The following HECTD4 variants were observed in gnomAD, a reference collection of about 807,000 sequenced individuals.
HECTD4 encodes the protein HECT domain E3 ubiquitin protein ligase 4, also known as probable E3 ubiquitin-protein ligase HECTD4.
A neutral mutation model predicts 471.5 loss-of-function variants in HECTD4; 114 were observed. The observed-to-expected ratio is 0.24, with a 90% CI of 0.21 to 0.28. HECTD4 has a LOEUF of 0.28. HECTD4 is among the 10% of genes least tolerant of loss of function. HECTD4 has a pLI of 1.00. For synonymous variants in HECTD4, 2,012 were observed against 2,256.0 expected (o/e 0.89, Z 3.07); for missense variants, 3,866 against 5,651.5 (o/e 0.68, Z 10.13).
At chr12:112,267,894 C>T (rs1432271603) in intron 13 of HECTD4, among the ~76,000 whole-genome samples, 1 of 152,192 alleles carries the variant, frequency 6.6e-6, no homozygotes, top group Non-Finnish European at 1.5e-5. Flanking sequence ...GATCTCAGCT[C>T]ATTGCAGCCT....
intron 1 of HECTD4, among the ~76,000 whole-genome samples, chr12:112,362,649 G>A (rs187030440): frequency 2.2e-3 from 341 of 152,262 alleles, no homozygotes; most frequent in Non-Finnish European, 3.8e-3. Flanking sequence ...GGCAGGTGGG[G>A]AGCGTTATGT....
chr12:112,193,221 A>C lies in HECTD4; in HGVS notation c.8956-30T>G, dbSNP rs1023018546. The C allele has an allele frequency of 6.2e-7, 1 of 1,610,930 alleles. No homozygotes were observed. The highest frequency in any genetic ancestry group is 1.1e-5 in the South Asian group (1 of 90,440). On this transcript the variant is annotated intron_variant, in intron 57 of 75. Coordinates refer to ENST00000682272, the MANE Select transcript of HECTD4 (RefSeq NM_001388303.1). This position sits in a 1 kb window ranked among gnomAD's most constrained non-coding sequence, Gnocchi z 5.2. ...AAAGAGACACTGAATAAGGAAAGCC[A>C]CGGGCTAAACACAGGGACAGCATTT...
At position 112,185,372 on chromosome 12, in the gene HECTD4, G is replaced by C. The variant is rs375784701; in HGVS notation, c.9594C>G (p.Ser3198=). ...LEQRRHPAGL[S]SSIALQLNPC... Reference sequence around the variant, plus strand: ...GGTTCAGCTGGAGGGCGATTGAGGAGGACAGGCCAGCGGGGTGCCGCCTCT... The same window carrying C: ...GGTTCAGCTGGAGGGCGATTGAGGACGACAGGCCAGCGGGGTGCCGCCTCT... The change falls in exon 61 of 76, where the codon TCC becomes TCG. Residue 3198 remains serine, a synonymous_variant. Transcript: ENST00000682272. 6.8e-6 allele frequency: 11 copies of C among 1,610,224 alleles called. No individual in the cohort carries two copies. The highest frequency in any genetic ancestry group is 4.0e-5 in the African/African-American group (3 of 74,888).
chr12:112,174,908 C>CGT (rs141147690), intron 66 of HECTD4, among the ~76,000 whole-genome samples: 45 of 151,864 alleles, frequency 3.0e-4, no homozygotes, highest in South Asian at 2.9e-3. Flanking sequence ...TGAGTAGGGG[C>CGT]GTGTGTGTGT....
intron 1 of HECTD4, among the ~76,000 whole-genome samples, chr12:112,348,356 A>G (rs947866783): frequency 6.6e-6 from 1 of 152,242 alleles, no homozygotes; most frequent in Non-Finnish European, 1.5e-5. Context: ...AGACTCTACT[A>G]TGCCCTTGAA....
chr12:112,289,966 C>T (rs578100126), intron 7 of HECTD4, among the ~76,000 whole-genome samples: 9 of 152,068 alleles, frequency 5.9e-5, no homozygotes, highest in South Asian at 4.1e-4. Flanking sequence ...CATGAGCCAC[C>T]GCACTCGGCC....
chr12:112,267,472 G>A (rs1187223398), intron 13 of HECTD4: 2 of 155,654 alleles, frequency 1.3e-5, no homozygotes, highest in African/African-American at 4.8e-5. Context: ...TTGCAGGTGT[G>A]AGCTACTGCA....
At position 112,176,743 on chromosome 12, in the gene HECTD4, C is replaced by T. The variant is rs149426242; in HGVS notation, c.11364-41G>A. On this transcript the variant is annotated intron_variant, in intron 64 of 75. Transcript: ENST00000682272. ...CTGGAATTAGACTAATGCACGTTCA[C>T]ACCTCCTCCCGATAGGAAATACACA... 5.2e-6 allele frequency: 7 copies of T among 1,351,382 alleles called. No individual in the cohort carries two copies. In the East Asian group the frequency reaches 6.9e-5, roughly 13 times the overall value. The allele number at this position is 1,351,382 out of a possible 1,614,324, so 83.7% of individuals were successfully genotyped here.
intron 7 of HECTD4, among the ~76,000 whole-genome samples, chr12:112,288,174 C>T (rs1335931652): frequency 1.3e-5 from 2 of 151,432 alleles, no homozygotes; most frequent in African/African-American, 4.9e-5. Flanking sequence ...ACTAAAAATA[C>T]AAAATTAGCT....
intron 1 of HECTD4, among the ~76,000 whole-genome samples, chr12:112,349,774 G>A (rs755587420): frequency 1.6e-4 from 25 of 152,162 alleles, no homozygotes; most frequent in Admixed American, 3.9e-4. Context: ...GGGTGAACAG[G>A]TGTAGGAGGA....
rs1566072861 is a variant in HECTD4, at chr12:112,208,596, G to A, written c.7902C>T (p.Val2634=). 13 of 1,603,796 alleles carry A rather than the reference G, an allele frequency of 8.1e-6. No homozygotes were observed. The highest frequency in any genetic ancestry group is 1.7e-4 in the Middle Eastern group (1 of 6,012). ...YDSDTSCHYK[V]ELSYENFITS... ...TGATGAAATTCTCATAGCTGAGCTC[G>A]ACTTTATAATGACAGGAGGTGTCAC... is the stretch of plus-strand genomic sequence containing the variant. Residue 2634 remains valine (V), a synonymous_variant, in exon 51 of 76, where the codon GTC becomes GTT. Coordinates refer to ENST00000682272, the MANE Select transcript of HECTD4 (RefSeq NM_001388303.1).
At chr12:112,375,614 C>T (rs2036761749) in intron 1 of HECTD4, among the ~76,000 whole-genome samples, 1 of 152,160 alleles carries the variant, frequency 6.6e-6, no homozygotes, top group Non-Finnish European at 1.5e-5. Flanking sequence ...GGAATTCTCA[C>T]AAGTAAGCTA....
chr12:112,320,619 C>T (rs567119926), intron 1 of HECTD4, among the ~76,000 whole-genome samples: 5 of 151,758 alleles, frequency 3.3e-5, no homozygotes, highest in Non-Finnish European at 5.9e-5. Context: ...AAGAATTGCT[C>T]GAACCCGGGA....
intron 62 of HECTD4, among the ~76,000 whole-genome samples, chr12:112,181,114 G>A (rs2137022714): frequency 6.6e-6 from 1 of 151,302 alleles, no homozygotes; most frequent in East Asian, 2.0e-4. Flanking sequence ...GTTGCAGTGA[G>A]CTGAGATCGC....
At chr12:112,220,724 G>A (rs1471439805) in intron 44 of HECTD4, among the ~76,000 whole-genome samples, 1 of 152,158 alleles carries the variant, frequency 6.6e-6, no homozygotes, top group Non-Finnish European at 1.5e-5. Flanking sequence ...TTGAACCCAG[G>A]AGGCAGAGGT....
chr12:112,334,689 A>G (rs1370625339), intron 1 of HECTD4, among the ~76,000 whole-genome samples: 1 of 151,120 alleles, frequency 6.6e-6, no homozygotes, highest in Non-Finnish European at 1.5e-5. Flanking sequence ...GAGTGCCTGT[A>G]ATTCCAGCTA....
At chr12:112,222,164 G>A (rs180680605) in intron 44 of HECTD4, among the ~76,000 whole-genome samples, 50 of 152,094 alleles carry the variant, frequency 3.3e-4, no homozygotes, top group Non-Finnish European at 6.3e-4. Context: ...CTCATGATCC[G>A]CCTGCCTTGG....
In HECTD4 at chr12:112,279,098, A is replaced by G. The variant is rs541613868; in HGVS notation, c.1687+130T>C. 11 of 724,344 alleles carry G rather than the reference A, an allele frequency of 1.5e-5. No individual in the cohort carries two copies. In the African/African-American group the frequency reaches 1.6e-4, roughly 11 times the overall value. 44.9% of individuals were successfully genotyped at this position (724,344 alleles called of 1,614,324 possible). On this transcript the variant is annotated intron_variant, in intron 9 of 75. Coordinates refer to ENST00000682272, the MANE Select transcript of HECTD4 (RefSeq NM_001388303.1). ...CTTCCTAGCCTATTTGATAATTGGT[A>G]TTTTTTGTTATCAGAGAGCTATTGC...
At chr12:112,313,974 C>T (rs1483965963) in intron 3 of HECTD4, among the ~76,000 whole-genome samples, 4 of 152,038 alleles carry the variant, frequency 2.6e-5, no homozygotes, top group South Asian at 2.1e-4. Flanking sequence ...GAATGATTTT[C>T]ACTTTCTTCA....
Sources: gnomAD v4.1 joint callset for allele counts (sites outside exome capture counted in the v4.1 genomes callset) on GRCh38, gnomAD v4.1.1 for gene constraint, Gnocchi (gnomAD v3.1) non-coding constraint, MANE v1.5 for transcripts, NCBI Gene and HGNC (gene_info 2026-07-23, HGNC 2026-07-21) for gene names.